The following PARD3B variants were observed in gnomAD, a reference collection of about 807,000 sequenced individuals.
PARD3B encodes the protein par-3 family cell polarity regulator beta, also known as partitioning defective 3 homolog B.
A neutral mutation model predicts 130.2 loss-of-function variants in PARD3B; 103 were observed. The observed-to-expected ratio is 0.79, with a 90% CI of 0.67 to 0.93. The LOEUF is 0.93. Among genes scored for constraint, PARD3B ranks in the 40% least tolerant of loss-of-function variants. PARD3B has a pLI of 0.00. For missense variants in PARD3B, 1,609 were observed against 1,499.2 expected (o/e 1.07, Z -1.21); for synonymous variants, 583 against 553.2 (o/e 1.05, Z -0.76).
chr2:205,022,850 G>T (rs1391212041), intron 3 of PARD3B, among the ~76,000 whole-genome samples: 1 of 152,146 alleles, frequency 6.6e-6, no homozygotes, highest in African/African-American at 2.4e-5. Context: ...CCAGAAAACA[G>T]GCATGCAAGG....
At chr2:204,587,726 G>T (rs1323703285) in intron 1 of PARD3B, among the ~76,000 whole-genome samples, 1 of 152,078 alleles carries the variant, frequency 6.6e-6, no homozygotes, top group Non-Finnish European at 1.5e-5. Flanking sequence ...GATATGATTT[G>T]GCTGTGTCCC....
rs1411822708 is a variant in PARD3B at position 205,281,912 on chromosome 2, G to C, written c.2186-18618G>C. ...AGACAAAAAGAAACTAATTCTACTT[G>C]TGTGTCTTCCTGGTTTTAACTTACA... On this transcript the variant is annotated intron_variant, in intron 16 of 22. Coordinates refer to ENST00000406610, the MANE Select transcript of PARD3B (RefSeq NM_001302769.2). The surrounding 1 kb of genome is among the most constrained non-coding windows in gnomAD (Gnocchi z 4.2). 2.0e-5 allele frequency among the ~76,000 whole-genome samples: 3 copies of C among 152,172 alleles called. No homozygotes were observed. The highest frequency in any genetic ancestry group is 4.4e-5 in the Non-Finnish European group (3 of 68,018).
intron 2 of PARD3B, among the ~76,000 whole-genome samples, chr2:204,898,057 A>G (rs898702795): frequency 1.3e-5 from 2 of 152,026 alleles, no homozygotes; most frequent in Admixed American, 6.5e-5. Flanking sequence ...TGTACTTCAC[A>G]CCAATACACT....
chr2:204,951,119 G>T (rs6435265), intron 2 of PARD3B, among the ~76,000 whole-genome samples: 58,598 of 151,982 alleles, frequency 0.39, 12,430 homozygotes, highest in African/African-American at 0.55. Context: ...GGGCCAACTT[G>T]CTATGCACAT....
intron 2 of PARD3B, among the ~76,000 whole-genome samples, chr2:204,864,878 T>C (rs1410855891): frequency 6.6e-6 from 1 of 152,028 alleles, no homozygotes; most frequent in East Asian, 1.9e-4. Flanking sequence ...GATGTGACAA[T>C]AAAAAGTACC....
intron 19 of PARD3B, among the ~76,000 whole-genome samples, chr2:205,423,279 T>C (rs1007559375): frequency 2.0e-5 from 3 of 152,188 alleles, no homozygotes. Flanking sequence ...ATGAGGATGC[T>C]CACCTCAGGC....
chr2:204,900,322 TCTGA>T (rs1479516468), intron 2 of PARD3B, among the ~76,000 whole-genome samples: 1 of 152,202 alleles, frequency 6.6e-6, no homozygotes, highest in African/African-American at 2.4e-5. Context: ...TCTTTTGTCT[TCTGA>T]CTGTGTATTT....
intron 2 of PARD3B, among the ~76,000 whole-genome samples, chr2:204,867,331 C>G (rs1199393400): frequency 6.6e-6 from 1 of 152,142 alleles, no homozygotes; most frequent in Admixed American, 6.6e-5. Context: ...CCTCTCAACA[C>G]CTTCAATTCT....
At chr2:205,029,969 A>G (rs943422637) in intron 3 of PARD3B, among the ~76,000 whole-genome samples, 1 of 152,134 alleles carries the variant, frequency 6.6e-6, no homozygotes, top group Non-Finnish European at 1.5e-5. Context: ...TTTCCCGCCA[A>G]ACTCTTTTGA....
Position 205,292,144 on chromosome 2 carries a change from G to T in PARD3B, c.2186-8386G>T, listed in dbSNP as rs2041632406. On this transcript the variant is annotated intron_variant, in intron 16 of 22. Transcript: ENST00000406610. The surrounding 1 kb of genome is among the most constrained non-coding windows in gnomAD (Gnocchi z 5.3). ...GGGACCCAGTGTAGCATGGGTCACA[G>T]AGGCTATCCCTCCCAAGGGCACAGG... is the stretch of plus-strand genomic sequence containing the variant. Among the ~76,000 whole-genome samples the T allele has an allele frequency of 6.6e-6, 1 of 152,186 alleles. No individual in the cohort carries two copies. The highest frequency in any genetic ancestry group is 2.4e-5 in the African/African-American group (1 of 41,456).
rs115350542 is a variant in PARD3B, at chr2:205,430,806, A to G, written c.2742-9564A>G. 7.5e-3 allele frequency among the ~76,000 whole-genome samples: 1,150 copies of G among 152,348 alleles called. 13 individuals carry two copies. Among genetic ancestry groups the G allele is most frequent in the African/African-American group, 0.024 (986 of 41,582 alleles). On this transcript the variant is annotated intron_variant, in intron 19 of 22. Coordinates refer to ENST00000406610, the MANE Select transcript of PARD3B (RefSeq NM_001302769.2). ...AGTACATTTAATGAGACTTAAGAGA[A>G]CACCAAATGTAACGTACAAGCATTT... is the stretch of plus-strand genomic sequence containing the variant.
intron 2 of PARD3B, among the ~76,000 whole-genome samples, chr2:204,762,940 A>T (rs1037788116): frequency 2.6e-5 from 4 of 151,862 alleles, no homozygotes; most frequent in Non-Finnish European, 5.9e-5. Context: ...TTGTATTTGT[A>T]GTAGAGACAG....
intron 2 of PARD3B, among the ~76,000 whole-genome samples, chr2:204,925,455 G>A (rs935966213): frequency 6.6e-6 from 1 of 152,008 alleles, no homozygotes; most frequent in African/African-American, 2.4e-5. Context: ...AGCTCCTTGA[G>A]TCCATGTGAC....
intron 2 of PARD3B, among the ~76,000 whole-genome samples, chr2:204,735,866 A>G (rs2039723849): frequency 6.6e-6 from 1 of 152,214 alleles, no homozygotes; most frequent in African/African-American, 2.4e-5. Context: ...CGCATAAGGC[A>G]ACAATAACAG....
intron 18 of PARD3B, among the ~76,000 whole-genome samples, chr2:205,311,248 C>A (rs903419758): frequency 1.3e-5 from 2 of 152,176 alleles, no homozygotes; most frequent in African/African-American, 2.4e-5. Context: ...AACGGCCACA[C>A]TGTTTTCCAT....
chr2:205,153,213 C>T (rs1417869216), intron 10 of PARD3B, among the ~76,000 whole-genome samples: 1 of 152,156 alleles, frequency 6.6e-6, no homozygotes, highest in Non-Finnish European at 1.5e-5. Flanking sequence ...GAGGTGTCTC[C>T]CAGTTAGGCT....
intron 18 of PARD3B, among the ~76,000 whole-genome samples, chr2:205,391,295 C>G (rs2045851541): frequency 6.6e-6 from 1 of 152,236 alleles, no homozygotes; most frequent in South Asian, 2.1e-4. Context: ...TGGCTATTGA[C>G]TGAAGTCTGA....
intron 22 of PARD3B, among the ~76,000 whole-genome samples, chr2:205,570,423 T>C (rs1239787501): frequency 1.3e-5 from 2 of 152,194 alleles, no homozygotes; most frequent in African/African-American, 4.8e-5. Context: ...ATTTCATTCG[T>C]AAAAACTTAT....
At chr2:205,250,974 G>A (rs1356288328) in intron 16 of PARD3B, among the ~76,000 whole-genome samples, 1 of 152,066 alleles carries the variant, frequency 6.6e-6, no homozygotes, top group Admixed American at 6.5e-5. Context: ...CTCTCAGCTG[G>A]TAACTAGTTT....
Sources: allele counts gnomAD v4.1 joint callset (sites outside exome capture counted in the v4.1 genomes callset), GRCh38; gene constraint gnomAD v4.1.1; non-coding constraint Gnocchi (gnomAD v3.1); transcripts MANE v1.5; gene names NCBI Gene and HGNC (gene_info 2026-07-23, HGNC 2026-07-21).